The following GTF2E2 variants were observed in gnomAD, a reference collection of about 807,000 sequenced individuals.
GTF2E2 encodes the protein general transcription factor IIE subunit 2.
Under a neutral mutation model 40.5 loss-of-function variants are expected in GTF2E2, and 21 were observed. That is an observed-to-expected ratio of 0.52 (90% CI 0.37 to 0.75). The LOEUF is 0.75. Among genes scored for constraint, GTF2E2 ranks in the 30% least tolerant of loss-of-function variants. The probability of loss-of-function intolerance (pLI) is 0.00; values close to 1 mark genes in which losing one functional copy is unlikely to be tolerated. For missense variants in GTF2E2, 298 were observed against 338.4 expected (o/e 0.88, Z 0.94); for synonymous variants, 117 against 121.6 (o/e 0.96, Z 0.25).
At chr8:30,592,284 T>C (rs1353920902) in intron 6 of GTF2E2, among the ~76,000 whole-genome samples, 1 of 152,090 alleles carries the variant, frequency 6.6e-6, no homozygotes, top group African/African-American at 2.4e-5. Flanking sequence ...GAGGCTGAGA[T>C]AGGAGGATCG....
chr8:30,640,181 G>A (rs34813722), intron 2 of GTF2E2, among the ~76,000 whole-genome samples: 201 of 152,256 alleles, frequency 1.3e-3, no homozygotes, highest in African/African-American at 4.7e-3. Flanking sequence ...CTTAAATTAA[G>A]TGAGTTGCTC....
intron 3 of GTF2E2, among the ~76,000 whole-genome samples, chr8:30,626,917 T>C (rs1480361983): frequency 6.6e-6 from 1 of 152,240 alleles, no homozygotes; most frequent in Non-Finnish European, 1.5e-5. Context: ...TCAAGGTACT[T>C]ACTGGAATCT....
intron 3 of GTF2E2, among the ~76,000 whole-genome samples, chr8:30,624,888 T>C (rs1168435567): frequency 6.6e-6 from 1 of 152,016 alleles, no homozygotes; most frequent in East Asian, 1.9e-4. Context: ...AAGTTGCTTA[T>C]CAGCTTAAGG....
intron 6 of GTF2E2, among the ~76,000 whole-genome samples, chr8:30,606,377 T>C (rs971553592): frequency 6.6e-6 from 1 of 152,182 alleles, no homozygotes; most frequent in African/African-American, 2.4e-5. Flanking sequence ...ATCAATTAAA[T>C]TGATGTCCAA....
At chr8:30,633,912 A>G (rs1211109442) in intron 3 of GTF2E2, among the ~76,000 whole-genome samples, 2 of 152,218 alleles carry the variant, frequency 1.3e-5, no homozygotes, top group Non-Finnish European at 2.9e-5. Context: ...CAGAATTTAG[A>G]CTCAGCTAGA....
At chr8:30,585,550 G>A (rs1407056654) in intron 6 of GTF2E2, among the ~76,000 whole-genome samples, 1 of 151,990 alleles carries the variant, frequency 6.6e-6, no homozygotes, top group Non-Finnish European at 1.5e-5. Flanking sequence ...AAAGAATACA[G>A]TTTGCTTAGA....
intron 2 of GTF2E2, among the ~76,000 whole-genome samples, chr8:30,642,305 A>AAT (rs1237569468): frequency 1.3e-5 from 2 of 151,636 alleles, no homozygotes; most frequent in African/African-American, 4.8e-5. Context: ...CCAAAAAAAA[A>AAT]AAAAAGGAAA....
chr8:30,622,709 G>A (rs1366586488), intron 3 of GTF2E2, among the ~76,000 whole-genome samples: 1 of 151,926 alleles, frequency 6.6e-6, no homozygotes, highest in Non-Finnish European at 1.5e-5. Flanking sequence ...GCCGTCTACA[G>A]ACCTACCCCC....
rs1802434151 is a variant in GTF2E2, at chr8:30,655,847, G to A, written c.-5+2126C>T. Among the ~76,000 whole-genome samples, 4 of 151,544 alleles carry A rather than the reference G, an allele frequency of 2.6e-5. No individual in the cohort carries two copies. In the South Asian group the frequency reaches 6.3e-4, roughly 24 times the overall value. ...TTTTGAGACAGAGTCTCGCTCTGCC[G>A]CCCAGGCTGGCAGAGTGCAGTGGTG... On this transcript the variant is annotated intron_variant, in intron 1 of 7. Coordinates refer to ENST00000355904, the MANE Select transcript of GTF2E2 (RefSeq NM_002095.6).
chr8:30,579,514 G>T (rs10503872), intron 7 of GTF2E2, among the ~76,000 whole-genome samples: 4 of 151,994 alleles, frequency 2.6e-5, no homozygotes, highest in Non-Finnish European at 1.5e-5. Context: ...GACAATAATA[G>T]GAAATCATGA....
chr8:30,608,158 TAGC>T (rs1829377227), intron 5 of GTF2E2, among the ~76,000 whole-genome samples: 1 of 152,180 alleles, frequency 6.6e-6, no homozygotes, highest in Admixed American at 6.6e-5. Context: ...AAAAGCCAAA[TAGC>T]AGCACTCTAG....
chr8:30,599,774 A>G (rs1829121342), intron 6 of GTF2E2, among the ~76,000 whole-genome samples: 1 of 152,084 alleles, frequency 6.6e-6, no homozygotes, highest in Non-Finnish European at 1.5e-5. Flanking sequence ...CACTAGGTCA[A>G]GAGATCGAGA....
rs764483651 is a variant in GTF2E2, at chr8:30,616,501, G to GAA, written c.259-1787_259-1786insTT. Among the ~76,000 whole-genome samples the GAA allele has an allele frequency of 4.0e-3, 200 of 50,000 alleles. 2 individuals are homozygous for GAA. Among genetic ancestry groups the GAA allele is most frequent in the South Asian group, 0.031 (59 of 1,880 alleles). 32.8% of individuals were successfully genotyped at this position (50,000 alleles called of 152,430 possible). ...GTTTAGTGGCTGCCAAGGGTTGAGG[G>GAA]GAGAGGATGAACAAGCAGAGCCCTG... On this transcript the variant is annotated intron_variant, in intron 3 of 7. Transcript: ENST00000355904.
In GTF2E2 at chr8:30,614,611, A is replaced by T; in HGVS notation, c.363T>A (p.Thr121=). 1 of 1,494,818 alleles carries T rather than the reference A, an allele frequency of 6.7e-7. No homozygotes were observed. The highest frequency in any genetic ancestry group is 9.3e-7 in the Non-Finnish European group (1 of 1,077,814). The allele number at this position is 1,494,818 out of a possible 1,614,324, so 92.6% of individuals were successfully genotyped here. A position where few individuals can be genotyped will look rare whatever the true frequency, so the allele number is the denominator to read the frequency against. ...TGATAATCAACTAAATTCTTACCTC[A>T]GTCATTAGCCATTGTTTCTGCTTGA... The part of the protein sequence containing the change: ...IGLKQKQWLM[T]EALVNNPKIE... The change falls in exon 4 of 8, where the codon ACT becomes ACA. Residue 121 remains threonine, a synonymous_variant. Coordinates refer to ENST00000355904, the MANE Select transcript of GTF2E2 (RefSeq NM_002095.6).
At chr8:30,656,609 C>T (rs566090364) in intron 1 of GTF2E2, among the ~76,000 whole-genome samples, 1 of 152,076 alleles carries the variant, frequency 6.6e-6, no homozygotes, top group South Asian at 2.1e-4. Context: ...GAGTTCTAGA[C>T]GAGTCTGGCC....
At chr8:30,635,493 C>A (rs552426916) in intron 2 of GTF2E2, among the ~76,000 whole-genome samples, 4 of 152,238 alleles carry the variant, frequency 2.6e-5, no homozygotes, top group African/African-American at 9.6e-5. Flanking sequence ...GGTGATTCTC[C>A]CACCTCAGCC....
At position 30,620,642 on chromosome 8, in the gene GTF2E2, G is replaced by A. The variant is rs943549269; in HGVS notation, c.259-5927C>T. 5.9e-5 allele frequency among the ~76,000 whole-genome samples: 9 copies of A among 151,918 alleles called. No homozygotes were observed. The South Asian group carries it at 6.2e-4, about 11-fold the overall frequency. ...AAGAAAATTTTAATAAGAGTTAGCC[G>A]AGCTGGGCACGGTGGCTCACGTCTG... is the stretch of plus-strand genomic sequence containing the variant. On this transcript the variant is annotated intron_variant, in intron 3 of 7. Transcript: ENST00000355904.
intron 2 of GTF2E2, among the ~76,000 whole-genome samples, chr8:30,647,855 C>T (rs1387979509): frequency 6.6e-6 from 1 of 152,112 alleles, no homozygotes; most frequent in South Asian, 2.1e-4. Context: ...CCAACTTTCT[C>T]CCCCACCCTA....
At chr8:30,643,847 T>C (rs1347162071) in intron 2 of GTF2E2, 1 of 152,074 alleles carries the variant, frequency 6.6e-6, no homozygotes, top group Non-Finnish European at 1.5e-5. Flanking sequence ...TCATACTACT[T>C]TGTAGTTTTC....
Sources: gnomAD v4.1 joint callset for allele counts (sites outside exome capture counted in the v4.1 genomes callset) on GRCh38, gnomAD v4.1.1 for gene constraint, MANE v1.5 for transcripts, NCBI Gene and HGNC (gene_info 2026-07-23, HGNC 2026-07-21) for gene names.